SGCZ: variants seen among roughly 807,000 people sequenced by gnomAD.
SGCZ encodes the protein sarcoglycan zeta.
In SGCZ, 40 loss-of-function variants were observed where a neutral mutation model predicts 41.3. That is an observed-to-expected ratio of 0.97 (90% CI 0.75 to 1.26). SGCZ has a LOEUF of 1.26. SGCZ is among the 50% of genes most tolerant of loss of function. The pLI, the probability that SGCZ is intolerant of heterozygous loss-of-function variation, is 0.00. For missense variants in SGCZ, 552 were observed against 369.8 expected, an observed-to-expected ratio of 1.49 and a Z score of -4.04; for synonymous variants, 206 against 137.5, an observed-to-expected ratio of 1.50 and a Z score of -3.49.
intron 2 of SGCZ, among the ~76,000 whole-genome samples, chr8:14,452,642 T>C (rs1031817784): frequency 6.6e-6 from 1 of 152,172 alleles, no homozygotes; most frequent in African/African-American, 2.4e-5. Flanking sequence ...GTTCACTGAT[T>C]GTAACAAATG....
intron 1 of SGCZ, among the ~76,000 whole-genome samples, chr8:15,019,876 G>C (rs1041748466): frequency 6.7e-6 from 1 of 149,480 alleles, no homozygotes; most frequent in Non-Finnish European, 1.5e-5. Flanking sequence ...TCGAAAGACA[G>C]TTTTCTGGGT....
chr8:15,136,721 T>C (rs1237647544), intron 1 of SGCZ, among the ~76,000 whole-genome samples: 1 of 152,164 alleles, frequency 6.6e-6, no homozygotes, highest in Non-Finnish European at 1.5e-5. Context: ...TTAACCATGA[T>C]TGTAAGTTTC....
intron 4 of SGCZ, among the ~76,000 whole-genome samples, chr8:14,212,131 A>G (rs1585236804): frequency 6.6e-6 from 1 of 152,054 alleles, no homozygotes; most frequent in South Asian, 2.1e-4. Flanking sequence ...GGCATCTCCC[A>G]GCCATTCACA....
At chr8:14,614,710 A>G (rs1222367091) in intron 1 of SGCZ, among the ~76,000 whole-genome samples, 1 of 152,182 alleles carries the variant, frequency 6.6e-6, no homozygotes, top group Non-Finnish European at 1.5e-5. Flanking sequence ...GAAAATGTGT[A>G]GATAAAAGAG....
chr8:14,383,902 G>A (rs1293550056), intron 2 of SGCZ, among the ~76,000 whole-genome samples: 3 of 149,890 alleles, frequency 2.0e-5, no homozygotes, highest in African/African-American at 5.1e-5. Context: ...TAAGTAACAC[G>A]CTCCAAATTT....
rs1014115715 is a variant in SGCZ, at chr8:14,474,766, G to A, written c.234+79966C>T. On this transcript the variant is annotated intron_variant, in intron 2 of 7. Transcript: ENST00000382080. ...GATTCACACTAAAAATCAATTACTT[G>A]TCCTTGACAAAACCTTTTATTATAT... 3.9e-5 allele frequency among the ~76,000 whole-genome samples: 6 copies of A among 152,032 alleles called. No homozygotes were observed. The South Asian group carries it at 8.3e-4, about 21-fold the overall frequency.
At chr8:15,023,876 A>C (rs1803349787) in intron 1 of SGCZ, among the ~76,000 whole-genome samples, 1 of 152,222 alleles carries the variant, frequency 6.6e-6, no homozygotes, top group Non-Finnish European at 1.5e-5. Context: ...TCTTCTGTTT[A>C]TTCTGGTTAC....
At chr8:14,100,549 AG>A (rs1237669337) in intron 7 of SGCZ, among the ~76,000 whole-genome samples, 1 of 83,618 alleles carries the variant, frequency 1.2e-5, no homozygotes, top group Admixed American at 1.2e-4. Flanking sequence ...ATTATACATT[AG>A]ATTAATATAT....
At chr8:14,876,002 A>G (rs1804344622) in intron 1 of SGCZ, among the ~76,000 whole-genome samples, 2 of 152,182 alleles carry the variant, frequency 1.3e-5, no homozygotes, top group South Asian at 4.1e-4. Context: ...CCATTTGGGA[A>G]CTCTGGTAAT....
chr8:14,178,535 A>G (rs1804623240), intron 4 of SGCZ, among the ~76,000 whole-genome samples: 1 of 152,180 alleles, frequency 6.6e-6, no homozygotes, highest in Non-Finnish European at 1.5e-5. Flanking sequence ...TCTGAGATAA[A>G]GGCTATTGGA....
intron 2 of SGCZ, among the ~76,000 whole-genome samples, chr8:14,545,726 C>T (rs146638260): frequency 6.6e-5 from 10 of 152,178 alleles, no homozygotes; most frequent in African/African-American, 2.2e-4. Flanking sequence ...AAGTTCCCCA[C>T]CCCCTCACTC....
chr8:15,093,328 G>T (rs570537090), intron 1 of SGCZ, among the ~76,000 whole-genome samples: 2 of 152,194 alleles, frequency 1.3e-5, no homozygotes, highest in South Asian at 4.1e-4. Flanking sequence ...GAATTGAGCT[G>T]GTTATTCTAG....
At chr8:15,169,446 GT>G (rs1184483560) in intron 1 of SGCZ, among the ~76,000 whole-genome samples, 2 of 152,116 alleles carry the variant, frequency 1.3e-5, no homozygotes, top group Non-Finnish European at 2.9e-5. Flanking sequence ...GAGAGTCACT[GT>G]TTTCCCCTTT....
intron 1 of SGCZ, among the ~76,000 whole-genome samples, chr8:15,101,367 T>C (rs559111547): frequency 6.6e-6 from 1 of 152,110 alleles, no homozygotes; most frequent in East Asian, 1.9e-4. Flanking sequence ...TATATACAAC[T>C]CAATTCAAAA....
chr8:14,339,098 T>C (rs928745029), intron 2 of SGCZ, among the ~76,000 whole-genome samples: 1 of 98,044 alleles, frequency 1.0e-5, no homozygotes, highest in African/African-American at 2.8e-5. Context: ...ACATATTATG[T>C]TTTTTTTTCT....
chr8:14,262,713 C>A (rs1355958099), intron 3 of SGCZ, among the ~76,000 whole-genome samples: 1 of 151,048 alleles, frequency 6.6e-6, no homozygotes, highest in Non-Finnish European at 1.5e-5. Context: ...ATACAAAAAT[C>A]ATCTACCATC....
At chr8:14,979,021 A>G (rs1446930296) in intron 1 of SGCZ, among the ~76,000 whole-genome samples, 2 of 150,832 alleles carry the variant, frequency 1.3e-5, no homozygotes, top group Non-Finnish European at 3.0e-5. Flanking sequence ...CTGTTCTCAA[A>G]CTCCTGAGCT....
intron 2 of SGCZ, among the ~76,000 whole-genome samples, chr8:14,438,794 T>A (rs986471909): frequency 6.6e-6 from 1 of 152,000 alleles, no homozygotes; most frequent in African/African-American, 2.4e-5. Flanking sequence ...TAGAAAACCA[T>A]GATAATTTTA....
At chr8:14,882,588 C>G (rs1332465376) in intron 1 of SGCZ, among the ~76,000 whole-genome samples, 1 of 152,126 alleles carries the variant, frequency 6.6e-6, no homozygotes, top group Non-Finnish European at 1.5e-5. Context: ...TGCTTAGGTT[C>G]TTAGAACTCA....
Sources: allele counts gnomAD v4.1 joint callset (sites outside exome capture counted in the v4.1 genomes callset), GRCh38; gene constraint gnomAD v4.1.1; transcripts MANE v1.5; gene names NCBI Gene and HGNC (gene_info 2026-07-23, HGNC 2026-07-21).